The following CRYL1 variants were observed in gnomAD, a reference collection of about 807,000 sequenced individuals.
The protein encoded by CRYL1 is crystallin lambda 1.
In CRYL1, 29 loss-of-function variants were observed where a neutral mutation model predicts 36.6. The ratio of observed to expected loss-of-function variants is 0.79; its 90% CI spans 0.59 to 1.08. The LOEUF (loss-of-function observed/expected upper bound fraction) is 1.08, where lower values mean the gene tolerates loss of function less well. Ranked by LOEUF, CRYL1 falls within the 50% of genes least tolerant of loss-of-function variation. The pLI is 0.00. For missense variants in CRYL1, 411 were observed against 407.9 expected (o/e 1.01, Z -0.06); for synonymous variants, 152 against 151.5 (o/e 1.00, Z -0.02).
chr13:20,510,946 T>C (rs1233344259), intron 2 of CRYL1, among the ~76,000 whole-genome samples: 1 of 152,138 alleles, frequency 6.6e-6, no homozygotes, highest in Non-Finnish European at 1.5e-5. Context: ...CCACTATGTA[T>C]CCCTAGTGAA....
rs1336058252 is a variant in CRYL1, at chr13:20,489,478, C to G, written c.168G>C (p.Leu56=). The change falls in exon 3 of 8, where the codon CTG becomes CTC. Residue 56 remains leucine, a synonymous_variant. Coordinates refer to ENST00000298248, the MANE Select transcript of CRYL1 (RefSeq NM_015974.3). ...LENIRKEMKL[L]EQAGSLKGSL... is the part of the protein sequence containing the mutation. ...AGCCTTTCAGAGAACCTGCCTGCTC[C>G]AGCAACTTCATCTCCTTTCTGGAAA... 3 of 1,613,138 alleles carry G rather than the reference C, an allele frequency of 1.9e-6. No individual in the cohort carries two copies. Among genetic ancestry groups the G allele is most frequent in the Non-Finnish European group, 2.5e-6 (3 of 1,180,022 alleles).
Position 20,481,898 on chromosome 13 carries a change from T to G in CRYL1, c.276+7472A>C, listed in dbSNP as rs946470058. Among the ~76,000 whole-genome samples, 1 of 152,006 alleles carries G rather than the reference T, an allele frequency of 6.6e-6. No individual in the cohort carries two copies. The highest frequency in any genetic ancestry group is 2.4e-5 in the African/African-American group (1 of 41,392). ...TGCACTCCAGCCTGGGTGACAAAGGTGCGACTCCATCTCGAAAGGAAAAAG... is the reference window on the plus strand; with the variant it reads ...TGCACTCCAGCCTGGGTGACAAAGGGGCGACTCCATCTCGAAAGGAAAAAG... On this transcript the variant is annotated intron_variant, in intron 3 of 7. Transcript: ENST00000298248. This position sits in a 1 kb window ranked among gnomAD's most constrained non-coding sequence, Gnocchi z 4.1.
chr13:20,488,357 G>A (rs561998753), intron 3 of CRYL1, among the ~76,000 whole-genome samples: 14 of 152,334 alleles, frequency 9.2e-5, no homozygotes, highest in African/African-American at 2.4e-4. Flanking sequence ...TCAAGAGATA[G>A]AGGATAATAT....
chr13:20,404,026 T>A lies in CRYL1; in HGVS notation c.*103A>T. 1 of 778,706 alleles carries A rather than the reference T, an allele frequency of 1.3e-6. No homozygotes were observed. The highest frequency in any genetic ancestry group is 2.1e-5 in the Admixed American group (1 of 48,290). 48.2% of individuals were successfully genotyped at this position (778,706 alleles called of 1,614,324 possible). A position where few individuals can be genotyped will look rare whatever the true frequency, so the allele number is the denominator to read the frequency against. The stretch of plus-strand genomic sequence containing the variant: ...TGCACACAAGACAGCCAGCTTAGGA[T>A]CTCCGTGGGCTGCTACCTATGTCAC... On this transcript the variant is annotated 3_prime_UTR_variant, in exon 8 of 8. Transcript: ENST00000298248.
intron 3 of CRYL1, among the ~76,000 whole-genome samples, chr13:20,480,155 G>T (rs1428926259): frequency 6.6e-6 from 1 of 152,212 alleles, no homozygotes; most frequent in Non-Finnish European, 1.5e-5. Flanking sequence ...GGGAGGCCAA[G>T]GCAGGCGGAC....
intron 3 of CRYL1, among the ~76,000 whole-genome samples, chr13:20,444,865 C>T (rs1216108804): frequency 6.6e-6 from 1 of 152,148 alleles, no homozygotes; most frequent in Non-Finnish European, 1.5e-5. Context: ...TACAGGTGCG[C>T]AGCACCATGC....
At position 20,489,435 on chromosome 13, in the gene CRYL1, G is replaced by T. The variant is rs2033466790; in HGVS notation, c.211C>A (p.Gln71Lys). Reference protein sequence around the residue: ...SLKGSLSVEEQLSLISGCPNI... With the variant: ...SLKGSLSVEEKLSLISGCPNI... ...GGACAACCACTGATGAGTGACAGCT[G>T]CTCTTCCACACTCAGGGAGCCTTTC... Residue 71 changes from glutamine to lysine, a missense_variant, in exon 3 of 8, where the codon CAG becomes AAG. Transcript: ENST00000298248. 1 of 1,613,570 alleles carries T rather than the reference G, an allele frequency of 6.2e-7. No individual in the cohort carries two copies. The highest frequency in any genetic ancestry group is 1.7e-5 in the Admixed American group (1 of 60,006).
In CRYL1 at chr13:20,439,731, T is replaced by C; in HGVS notation, c.300A>G (p.Glu100=). The change falls in exon 4 of 8, where the codon GAA becomes GAG. Residue 100 remains glutamate (E), a synonymous_variant. Transcript: ENST00000298248. The part of the protein sequence containing the change: ...HIQECVPEDL[E]LKKKIFAQLD... Reference sequence around the variant, plus strand: ...ACTGAGCAAAAATCTTCTTCTTCAGTTCTAGATCTTCTGGAACACATTCCT... The same window carrying C: ...ACTGAGCAAAAATCTTCTTCTTCAGCTCTAGATCTTCTGGAACACATTCCT... The C allele has an allele frequency of 2.5e-6, 4 of 1,614,094 alleles. No homozygotes were observed. The highest frequency in any genetic ancestry group is 3.4e-6 in the Non-Finnish European group (4 of 1,179,996).
At chr13:20,420,703 G>GTGTGTGTGTGTGTGTGT (rs2031784373) in intron 5 of CRYL1, among the ~76,000 whole-genome samples, 1 of 38,744 alleles carries the variant, frequency 2.6e-5, no homozygotes, top group Non-Finnish European at 5.2e-5. Context: ...AATAGAGGTT[G>GTGTGTGTGTGTGTGTGT]TGTGTGTGTG....
intron 7 of CRYL1, 105 bp downstream of exon 7, chr13:20,404,530 A>G: frequency 1.3e-6 from 1 of 743,714 alleles, no homozygotes; most frequent in Non-Finnish European, 2.3e-6. Context: ...AAGGGTAAAG[A>G]TTCCAGCTGC....
intron 3 of CRYL1, among the ~76,000 whole-genome samples, chr13:20,450,989 C>T (rs911790738): frequency 6.7e-6 from 1 of 148,680 alleles, no homozygotes; most frequent in Non-Finnish European, 1.5e-5. Context: ...CACATTATCA[C>T]TCATAGATGA....
chr13:20,411,530 G>C (rs934224480), intron 6 of CRYL1, among the ~76,000 whole-genome samples: 1 of 152,158 alleles, frequency 6.6e-6, no homozygotes, highest in African/African-American at 2.4e-5. Flanking sequence ...GGCAGCGTCT[G>C]TATACATTTC....
At chr13:20,405,635 C>T (rs994067884) in intron 6 of CRYL1, among the ~76,000 whole-genome samples, 4 of 152,154 alleles carry the variant, frequency 2.6e-5, no homozygotes, top group Non-Finnish European at 4.4e-5. Context: ...TGGAGCCAGG[C>T]GCTCATCTGC....
At chr13:20,439,546 C>CAAAAAAAAAAA in intron 4 of CRYL1, 47 bp downstream of exon 4, 1 of 693,698 alleles carries the variant, frequency 1.4e-6, no homozygotes, top group East Asian at 4.3e-5. Context: ...AAAAAAAACA[C>CAAAAAAAAAAA]AGAATGAGAT....
chr13:20,406,546 C>A (rs1468339339), intron 6 of CRYL1, among the ~76,000 whole-genome samples: 1 of 152,140 alleles, frequency 6.6e-6, no homozygotes, highest in African/African-American at 2.4e-5. Flanking sequence ...TTCTGGAAGT[C>A]TCCTGAGCTT....
At chr13:20,502,873 C>A (rs947120470) in intron 2 of CRYL1, among the ~76,000 whole-genome samples, 1 of 152,168 alleles carries the variant, frequency 6.6e-6, no homozygotes, top group African/African-American at 2.4e-5. Flanking sequence ...AATGGCCAGT[C>A]AAGGTAGGAG....
intron 1 of CRYL1, among the ~76,000 whole-genome samples, chr13:20,520,906 C>G (rs1367107379): frequency 6.6e-6 from 1 of 151,986 alleles, no homozygotes; most frequent in Non-Finnish European, 1.5e-5. Context: ...GAGATCGAGA[C>G]CATCCTGTCT....
At chr13:20,464,089 A>G (rs927812225) in intron 3 of CRYL1, among the ~76,000 whole-genome samples, 11 of 152,252 alleles carry the variant, frequency 7.2e-5, no homozygotes, top group African/African-American at 2.7e-4. Flanking sequence ...ATCAGACCAG[A>G]TCTCAAAAAG....
chr13:20,462,446 G>C (rs2032850725), intron 3 of CRYL1, among the ~76,000 whole-genome samples: 1 of 149,460 alleles, frequency 6.7e-6, no homozygotes, highest in Non-Finnish European at 1.5e-5. Context: ...GAAGAGAACG[G>C]TATTTTAATT....
Sources: gnomAD v4.1 joint callset for allele counts (sites outside exome capture counted in the v4.1 genomes callset) on GRCh38, gnomAD v4.1.1 for gene constraint, Gnocchi (gnomAD v3.1) non-coding constraint, MANE v1.5 for transcripts, NCBI Gene and HGNC (gene_info 2026-07-23, HGNC 2026-07-21) for gene names.